Variants in CPNE8 observed in about 807,000 individuals in gnomAD.
CPNE8 encodes copine 8.
Under a neutral mutation model 81.5 loss-of-function variants are expected in CPNE8, and 45 were observed. The ratio of observed to expected loss-of-function variants is 0.55; its 90% confidence interval spans 0.44 to 0.71. The LOEUF (loss-of-function observed/expected upper bound fraction) is 0.71. Among genes scored for constraint, CPNE8 ranks in the 30% least tolerant of loss-of-function variants. The probability of loss-of-function intolerance (pLI) is 0.00; values close to 1 mark genes in which losing one functional copy is unlikely to be tolerated. For missense variants in CPNE8, 594 were observed against 672.1 expected (o/e 0.88, Z 1.28); for synonymous variants, 252 against 226.3 (o/e 1.11, Z -1.02).
chr12:38,674,763 G>A (rs1311928976), intron 18 of CPNE8, among the ~76,000 whole-genome samples: 1 of 152,134 alleles, frequency 6.6e-6, no homozygotes, highest in Non-Finnish European at 1.5e-5. Context: ...GAGACTGACA[G>A]CTCTTTATTA....
intron 15 of CPNE8, 97 bp from the exon 16 acceptor site, chr12:38,685,714 ACT>A: frequency 7.9e-7 from 1 of 1,270,484 alleles, no homozygotes; most frequent in South Asian, 1.5e-5. Flanking sequence ...ACACGTTGAC[ACT>A]CATATTTTTT....
Position 38,677,490 on chromosome 12 carries a change from T to C in CPNE8, c.1336A>G (p.Ile446Val). Residue 446 changes from isoleucine to valine, a missense_variant, in exon 17 of 20, where the codon ATC becomes GTC. By Grantham distance (29) the Ile-to-Val change is conservative. Coordinates refer to ENST00000331366, the MANE Select transcript of CPNE8 (RefSeq NM_153634.3). ...TCCTTAGTCTGGGCCATATCTGAGA[T>C]AACACCATCTGTAACAATCAGAAGC... ...FVLLIVTDGV[I>V]SDMAQTKESI... The C allele has an allele frequency of 6.2e-7, 1 of 1,612,426 alleles. No individual in the cohort carries two copies. The highest frequency in any genetic ancestry group is 8.5e-7 in the Non-Finnish European group (1 of 1,178,794).
At chr12:38,874,361 C>A in intron 2 of CPNE8, 110 bp downstream of exon 2, 4 of 773,660 alleles carry the variant, frequency 5.2e-6, no homozygotes, top group Admixed American at 2.1e-5. Context: ...TGGGACCATT[C>A]TCCTGTTGCT....
intron 10 of CPNE8, among the ~76,000 whole-genome samples, chr12:38,752,276 G>A (rs993426948): frequency 6.6e-6 from 1 of 152,130 alleles, no homozygotes; most frequent in Non-Finnish European, 1.5e-5. Context: ...AGTCTGCAAG[G>A]TTCGGGTTGT....
rs962615624 is a variant in CPNE8 at position 38,653,620 on chromosome 12, A to AAAAAAAAAAG, written c.*261_*262insCTTTTTTTTT. 5.1e-4 allele frequency: 139 copies of AAAAAAAAAAG among 274,382 alleles called. No homozygotes were observed. The highest frequency in any genetic ancestry group is 3.2e-3 in the South Asian group (31 of 9,582). 17.0% of individuals were successfully genotyped at this position (274,382 alleles called of 1,614,324 possible). ...ATTGGAAATTAGCTGTTTCTGTTAA[A>AAAAAAAAAAG]AAAAAAAAGAAAGAAAGATTTAGAG... On this transcript the variant is annotated 3_prime_UTR_variant, in exon 20 of 20. Transcript: ENST00000331366.
At chr12:38,879,346 A>C (rs925346238) in intron 1 of CPNE8, among the ~76,000 whole-genome samples, 1 of 151,388 alleles carries the variant, frequency 6.6e-6, no homozygotes, top group Non-Finnish European at 1.5e-5. Context: ...TGCCAACTAC[A>C]TCCCATTTTT....
chr12:38,878,189 C>T (rs1944095303), intron 1 of CPNE8, among the ~76,000 whole-genome samples: 1 of 152,202 alleles, frequency 6.6e-6, no homozygotes, highest in African/African-American at 2.4e-5. Flanking sequence ...CACTCCTCTG[C>T]CCATGGAGTA....
intron 1 of CPNE8, among the ~76,000 whole-genome samples, chr12:38,877,023 G>A (rs562102697): frequency 1.2e-4 from 18 of 152,310 alleles, no homozygotes; most frequent in Middle Eastern, 3.4e-3. Context: ...GGGGCTCAGA[G>A]AAAGTGAGTG....
At chr12:38,849,503 C>T (rs1943610998) in intron 3 of CPNE8, among the ~76,000 whole-genome samples, 1 of 152,116 alleles carries the variant, frequency 6.6e-6, no homozygotes, top group South Asian at 2.1e-4. Context: ...TATCACAAAC[C>T]AACTTTTATT....
intron 1 of CPNE8, among the ~76,000 whole-genome samples, chr12:38,902,301 A>T (rs1351088779): frequency 3.3e-5 from 1 of 30,678 alleles, no homozygotes; most frequent in Non-Finnish European, 6.5e-5. Flanking sequence ...GAAGGAAAGG[A>T]AGGAAGGAAG....
intron 13 of CPNE8, among the ~76,000 whole-genome samples, chr12:38,704,688 T>C (rs1347192663): frequency 6.6e-6 from 1 of 151,736 alleles, no homozygotes; most frequent in Non-Finnish European, 1.5e-5. Context: ...GATTGGGAGC[T>C]GTGGCCACCG....
intron 8 of CPNE8, among the ~76,000 whole-genome samples, chr12:38,766,164 A>T (rs1347638164): frequency 2.0e-5 from 3 of 152,048 alleles, no homozygotes; most frequent in Non-Finnish European, 4.4e-5. Flanking sequence ...GGCCGTGAAC[A>T]TCATTTTTAC....
intron 19 of CPNE8, among the ~76,000 whole-genome samples, chr12:38,657,295 C>T (rs565798918): frequency 5.9e-5 from 9 of 152,234 alleles, no homozygotes; most frequent in Admixed American, 3.9e-4. Context: ...AGTCTGAGAT[C>T]GACCTGCGAG....
chr12:38,855,859 T>A (rs952548277), intron 3 of CPNE8, among the ~76,000 whole-genome samples: 1 of 151,872 alleles, frequency 6.6e-6, no homozygotes, highest in Non-Finnish European at 1.5e-5. Flanking sequence ...TTATTGTCAA[T>A]TAAAAGTTAA....
intron 3 of CPNE8, among the ~76,000 whole-genome samples, chr12:38,861,904 G>GAA (rs72186686): frequency 8.1e-5 from 9 of 111,628 alleles, no homozygotes; most frequent in African/African-American, 4.7e-4. Context: ...AATTATGGCT[G>GAA]AGAGAAAATA....
At chr12:38,669,310 A>G (rs1201820185) in intron 19 of CPNE8, among the ~76,000 whole-genome samples, 2 of 152,158 alleles carry the variant, frequency 1.3e-5, no homozygotes, top group Non-Finnish European at 2.9e-5. Context: ...ATCTTTATCA[A>G]TGTTACTCTT....
intron 16 of CPNE8, among the ~76,000 whole-genome samples, 194 bp from the exon 17 acceptor site, chr12:38,677,748 A>G (rs1419626006): frequency 1.3e-5 from 2 of 151,892 alleles, no homozygotes; most frequent in Admixed American, 1.3e-4. Context: ...ATGTTAGTGC[A>G]TGCTGGCACA....
At position 38,836,905 on chromosome 12, in the gene CPNE8, C is replaced by T. The variant is rs193203148; in HGVS notation, c.330+3011G>A. On this transcript the variant is annotated intron_variant, in intron 5 of 19. Coordinates refer to ENST00000331366, the MANE Select transcript of CPNE8 (RefSeq NM_153634.3). Reference sequence around the variant, plus strand: ...AATTTCTAACAGAAATCTAGATAGTCATCTCTAACAGTTCTTATAACAATT... The same window carrying T: ...AATTTCTAACAGAAATCTAGATAGTTATCTCTAACAGTTCTTATAACAATT... 1.4e-3 allele frequency among the ~76,000 whole-genome samples: 214 copies of T among 152,272 alleles called. 1 individual carries two copies. The highest frequency in any genetic ancestry group is 4.9e-3 in the African/African-American group (202 of 41,564).
At chr12:38,886,904 G>A (rs1044389164) in intron 1 of CPNE8, among the ~76,000 whole-genome samples, 2 of 152,212 alleles carry the variant, frequency 1.3e-5, no homozygotes, top group African/African-American at 2.4e-5. Flanking sequence ...CTGGAACTGT[G>A]GGGTGTGTGC....
Sources: allele counts gnomAD v4.1 joint callset (sites outside exome capture counted in the v4.1 genomes callset), GRCh38; gene constraint gnomAD v4.1.1; transcripts MANE v1.5; gene names NCBI Gene and HGNC (gene_info 2026-07-23, HGNC 2026-07-21).